Variants in NXF1 observed in about 807,000 individuals in gnomAD.
The protein encoded by NXF1 is mRNA export factor TAP.
NXF1 carries 43 observed loss-of-function variants against 92.4 expected under a neutral mutation model. The observed-to-expected ratio is 0.47, with a 90% CI of 0.36 to 0.60. The LOEUF (loss-of-function observed/expected upper bound fraction) is 0.60, where lower values mean the gene tolerates loss of function less well. Among genes scored for constraint, NXF1 ranks in the 20% least tolerant of loss-of-function variants. NXF1 has a pLI of 0.00. For synonymous variants in NXF1, 288 were observed against 292.2 expected (o/e 0.99, Z 0.15); for missense variants, 576 against 793.0 (o/e 0.73, Z 3.29).
At position 62,795,994 on chromosome 11, in the gene NXF1, GC is replaced by G. The variant is rs761495389; in HGVS notation, c.1462-52del. On this transcript the variant is annotated intron_variant, in intron 16 of 20. Coordinates refer to ENST00000294172, the MANE Select transcript of NXF1 (RefSeq NM_006362.5). ...AATGTACACTTCTCAGAGCCTGAGTGCCCCCCCTTGCCTATTAAATGCCACC... is the reference window on the plus strand; with the variant it reads ...AATGTACACTTCTCAGAGCCTGAGTGCCCCCCTTGCCTATTAAATGCCACC... 111 of 1,608,590 alleles carry G rather than the reference GC, an allele frequency of 6.9e-5. No homozygotes were observed. In the Admixed American group the frequency reaches 8.2e-4, roughly 12 times the overall value.
intron 17 of NXF1, 91 bp downstream of exon 17, chr11:62,795,810 A>C: frequency 8.0e-7 from 1 of 1,251,136 alleles, no homozygotes; most frequent in South Asian, 1.2e-5. Context: ...AGAAAATGGG[A>C]GAGAAAGTAG....
rs550551027 is a variant in NXF1 at position 62,805,425 on chromosome 11, C to A, written c.-69G>T. On this transcript the variant is annotated 5_prime_UTR_variant, in exon 1 of 21. Transcript: ENST00000294172. ...GCCGGCAAACAACCTAACTCCCAAG[C>A]GCTCAGGACCGAAGTGTCCCTACGC... 784 of 1,602,230 alleles carry A rather than the reference C, an allele frequency of 4.9e-4. 1 individual carries two copies. Among genetic ancestry groups the A allele is most frequent in the Middle Eastern group, 3.8e-3 (23 of 6,038 alleles).
intron 9 of NXF1, 30 bp downstream of exon 9, chr11:62,801,064 C>A: frequency 6.4e-7 from 1 of 1,563,562 alleles, no homozygotes; most frequent in Non-Finnish European, 8.8e-7. Flanking sequence ...CCCACCCCTT[C>A]AAAAATATAG....
chr11:62,799,667 T>C, intron 10 of NXF1: 1 of 985,942 alleles, frequency 1.0e-6, no homozygotes, highest in Non-Finnish European at 1.2e-6. Flanking sequence ...CTCTGTCTCC[T>C]TGGTAGCCTA....
intron 3 of NXF1, 102 bp from the exon 4 acceptor site, chr11:62,802,362 T>C: frequency 4.4e-6 from 4 of 917,188 alleles, no homozygotes; most frequent in Non-Finnish European, 6.9e-6. Flanking sequence ...TTAAAGACTA[T>C]CTAAAGAAAG....
chr11:62,794,300 G>A lies in NXF1; in HGVS notation c.1718C>T (p.Ala573Val). The A allele has an allele frequency of 1.2e-6, 2 of 1,614,172 alleles. No individual in the cohort carries two copies. The highest frequency in any genetic ancestry group is 1.7e-5 in the Admixed American group (1 of 60,028). ...LSPEQQEMLQ[A>V]FSTQSGMNLE... is the part of the protein sequence containing the mutation. ...GTTCATGCCAGACTGGGTAGAGAATGCTTGCAACATTTCCTGCTGCTCTGG... is the reference window on the plus strand; with the variant it reads ...GTTCATGCCAGACTGGGTAGAGAATACTTGCAACATTTCCTGCTGCTCTGG... The change falls in exon 19 of 21, where the codon GCA (alanine) becomes GTA (valine). Residue 573 changes from alanine (A) to valine (V), a missense_variant. This residue lies in a region of NXF1 where 425 missense variants were observed against 635.2 expected (regional missense o/e 0.67). Transcript: ENST00000294172.
At chr11:62,801,497 C>A in intron 7 of NXF1, 65 bp downstream of exon 7, 1 of 1,608,012 alleles carries the variant, frequency 6.2e-7, no homozygotes, top group Admixed American at 1.7e-5. Context: ...CATCCTCAAA[C>A]TTTCCCTCCC....
chr11:62,798,825 C>A, intron 10 of NXF1: 1 of 1,309,006 alleles, frequency 7.6e-7, no homozygotes, highest in Non-Finnish European at 9.7e-7. Flanking sequence ...AGCAGTACTC[C>A]AAGCCCAGGC....
intron 8 of NXF1, 49 bp downstream of exon 8, chr11:62,801,276 CCTAT>C (rs1301965385): frequency 2.5e-6 from 4 of 1,606,562 alleles, no homozygotes; most frequent in Non-Finnish European, 8.5e-7. Context: ...CCAGCCACTT[CCTAT>C]CTAACACACC....
chr11:62,797,642 G>T (rs1027719712), intron 11 of NXF1, among the ~76,000 whole-genome samples: 1 of 152,156 alleles, frequency 6.6e-6, no homozygotes, highest in African/African-American at 2.4e-5. Context: ...GCAGGCGAAG[G>T]TTGCAGTAAG....
intron 1 of NXF1, chr11:62,804,198 A>T (rs1243139472): frequency 2.0e-6 from 3 of 1,514,190 alleles, no homozygotes; most frequent in Non-Finnish European, 2.6e-6. Flanking sequence ...GCTTTTGAAA[A>T]ATGAAGTAGA....
intron 11 of NXF1, 119 bp from the exon 12 acceptor site, chr11:62,797,505 G>A (rs1014883889): frequency 5.9e-6 from 5 of 850,764 alleles, no homozygotes; most frequent in Non-Finnish European, 7.6e-6. Flanking sequence ...TTTGAGACCA[G>A]CCTGGCTGGA....
intron 19 of NXF1, among the ~76,000 whole-genome samples, chr11:62,793,382 T>C (rs946273769): frequency 2.0e-5 from 3 of 152,180 alleles, no homozygotes; most frequent in African/African-American, 4.8e-5. Context: ...CAGCCAACTA[T>C]TAGGTTTTTT....
chr11:62,799,384 G>A (rs747371455), intron 10 of NXF1: 25 of 985,666 alleles, frequency 2.5e-5, no homozygotes, highest in South Asian at 4.7e-5. Flanking sequence ...TGAACTGGGC[G>A]TGGGAAGCAA....
chr11:62,802,964 T>C (rs771792879), intron 3 of NXF1, among the ~76,000 whole-genome samples: 1 of 152,092 alleles, frequency 6.6e-6, no homozygotes, highest in Non-Finnish European at 1.5e-5. Context: ...CTCTAAGGTG[T>C]TGGAAGATAC....
intron 1 of NXF1, chr11:62,804,346 T>C (rs748952021): frequency 2.0e-5 from 10 of 503,074 alleles, no homozygotes; most frequent in Non-Finnish European, 2.5e-5. Flanking sequence ...GTTACAAATA[T>C]GACCAGTTTA....
chr11:62,796,417 G>A, intron 14 of NXF1, 43 bp downstream of exon 14: 1 of 1,612,022 alleles, frequency 6.2e-7, no homozygotes. Context: ...TATCTGCTGG[G>A]AAACCCAGTG....
chr11:62,802,143 G>A (rs1474024938), intron 4 of NXF1, 34 bp downstream of exon 4: 13 of 1,610,172 alleles, frequency 8.1e-6, no homozygotes, highest in Admixed American at 5.0e-5. Flanking sequence ...CATCCCTGGT[G>A]CCTGGCCAGC....
Position 62,792,198 on chromosome 11 carries a change from T to TAG in NXF1, c.*277_*278insCT. The TAG allele has an allele frequency of 1.6e-6, 1 of 641,830 alleles. No individual in the cohort carries two copies. The highest frequency in any genetic ancestry group is 2.7e-6 in the Non-Finnish European group (1 of 372,684). The allele number at this position is 641,830 out of a possible 1,614,324, so 39.8% of individuals were successfully genotyped here. A position where few individuals can be genotyped will look rare whatever the true frequency, so the allele number is the denominator to read the frequency against. On this transcript the variant is annotated 3_prime_UTR_variant, in exon 21 of 21. Transcript: ENST00000294172. ...CAACATCACTCTTTATATTAAAAAG[T>TAG]AAGGAGGTCCTGGGGTTAAGTACAC...
Sources: gnomAD v4.1 joint callset for allele counts (sites outside exome capture counted in the v4.1 genomes callset) on GRCh38, gnomAD v4.1.1 for gene constraint, gnomAD v4.1.1 regional missense constraint, MANE v1.5 for transcripts, NCBI Gene and HGNC (gene_info 2026-07-23, HGNC 2026-07-21) for gene names.